Variants in SEL1L3 observed in about 807,000 individuals in gnomAD.
SEL1L3 encodes SEL1L family member 3.
A neutral mutation model predicts 142.8 loss-of-function variants in SEL1L3; 76 were observed. The observed-to-expected ratio is 0.53, with a 90% CI of 0.44 to 0.64. SEL1L3 has a LOEUF of 0.64. Ranked by LOEUF, SEL1L3 falls within the 30% of genes least tolerant of loss-of-function variation. SEL1L3 has a pLI of 0.00. For synonymous variants in SEL1L3, 504 were observed against 519.6 expected (o/e 0.97, Z 0.41); for missense variants, 1,262 against 1,381.7 (o/e 0.91, Z 1.37).
chr4:25,828,703 A>AT (rs146662212), intron 6 of SEL1L3, among the ~76,000 whole-genome samples: 2,034 of 151,642 alleles, frequency 0.013, 53 homozygotes, highest in African/African-American at 0.047. Context: ...GAGTTTATTT[A>AT]TTTTTTTTAA....
chr4:25,730,044 C>T, the SEL1L3 span, among the ~76,000 whole-genome samples: 3 of 151,688 alleles, frequency 2.0e-5, no homozygotes, highest in Non-Finnish European at 4.4e-5. Flanking sequence ...CTGCAACCTC[C>T]ACCTGCCAGG....
chr4:25,726,845 C>T, the SEL1L3 span, among the ~76,000 whole-genome samples: 1 of 152,138 alleles, frequency 6.6e-6, no homozygotes, highest in African/African-American at 2.4e-5. Flanking sequence ...ATACCACAGA[C>T]TGGGTGGCTT....
Position 25,756,943 on chromosome 4 carries a change from TA to T in SEL1L3, c.3259+590del, listed in dbSNP as rs1560276596. 2.4e-6 allele frequency: 3 copies of T among 1,271,522 alleles called. No homozygotes were observed. In the South Asian group the frequency reaches 3.8e-5, roughly 16 times the overall value. The allele number at this position is 1,271,522 out of a possible 1,614,324, so 78.8% of individuals were successfully genotyped here. ...AAATTTTCAATGGAAGAAATTGTAT[TA>T]GGTCAGTTTCTTAGGCTTTTTAAAG... On this transcript the variant is annotated intron_variant, in intron 23 of 23. Transcript: ENST00000399878.
At chr4:25,795,989 A>AC (rs1560307982) in intron 11 of SEL1L3, among the ~76,000 whole-genome samples, 1 of 151,840 alleles carries the variant, frequency 6.6e-6, no homozygotes, top group African/African-American at 2.4e-5. Context: ...ACTGGCAGGA[A>AC]CCAAGCGTCC....
chr4:25,743,654 G>C (rs1717180060), downstream of SEL1L3, among the ~76,000 whole-genome samples: 1 of 152,204 alleles, frequency 6.6e-6, no homozygotes, highest in African/African-American at 2.4e-5. Context: ...CTGTTGCATT[G>C]TTTTGAGTTT....
chr4:25,752,985 GTAC>G (rs1166514145), intron 23 of SEL1L3, among the ~76,000 whole-genome samples: 1 of 152,222 alleles, frequency 6.6e-6, no homozygotes, highest in Non-Finnish European at 1.5e-5. Context: ...GGCAGTGGAT[GTAC>G]TACTATTTCT....
chr4:25,757,753 A>G lies in SEL1L3; in HGVS notation c.3121T>C (p.Cys1041Arg). ...TGCAGGTAAAGCCAGGCCAAGGAGC[A>G]GGGGCTGAAGGACTCCTCGTTACTG... is the stretch of plus-strand genomic sequence containing the variant. ...SHSNEESFSP[C>R]SLAWLYLHLR... Residue 1041 changes from cysteine to arginine, a missense_variant, in exon 22 of 24, where the codon TGC becomes CGC. Physicochemically the swap from Cys to Arg is radical, Grantham distance 180 (BLOSUM62 -3). Transcript: ENST00000399878. The G allele has an allele frequency of 6.3e-7, 1 of 1,594,378 alleles. No homozygotes were observed. The highest frequency in any genetic ancestry group is 8.5e-7 in the Non-Finnish European group (1 of 1,170,810).
In SEL1L3 at chr4:25,747,814, G is replaced by A. The variant is rs548021609; in HGVS notation, c.*611C>T. The A allele has an allele frequency of 5.9e-5, 9 of 152,658 alleles. No homozygotes were observed. In the East Asian group the frequency reaches 1.5e-3, roughly 26 times the overall value. 9.5% of individuals were successfully genotyped at this position (152,658 alleles called of 1,614,324 possible). A position where few individuals can be genotyped will look rare whatever the true frequency, so the allele number is the denominator to read the frequency against. On this transcript the variant is annotated 3_prime_UTR_variant, in exon 24 of 24. Transcript: ENST00000399878. ...TCCGACAATGCCATTAAATGATTCG[G>A]AAGCACTAGGACCCTAGAAAAATTC...
In SEL1L3 at chr4:25,750,206, G is replaced by C. The variant is rs1441005669; in HGVS notation, c.3260-1642C>G. On this transcript the variant is annotated intron_variant, in intron 23 of 23. Coordinates refer to ENST00000399878, the MANE Select transcript of SEL1L3 (RefSeq NM_015187.5). ...GCTGAGATCTTGTCACTGCACACCA[G>C]CCTGGGCGACAGAGCGAGACTCCAT... is the stretch of plus-strand genomic sequence containing the variant. Among the ~76,000 whole-genome samples the C allele has an allele frequency of 2.9e-5, 4 of 136,700 alleles. No individual in the cohort carries two copies. In the Admixed American group the frequency reaches 3.2e-4, roughly 11 times the overall value. The allele number at this position is 136,700 out of a possible 152,430, so 89.7% of individuals were successfully genotyped here. A position where few individuals can be genotyped will look rare whatever the true frequency, so the allele number is the denominator to read the frequency against.
rs1717349584 is a variant in SEL1L3, at chr4:25,747,997, G to A, written c.*428C>T. The A allele has an allele frequency of 6.4e-6, 1 of 156,746 alleles. No individual in the cohort carries two copies. Among genetic ancestry groups the A allele is most frequent in the Non-Finnish European group, 1.4e-5 (1 of 70,658 alleles). 9.7% of individuals were successfully genotyped at this position (156,746 alleles called of 1,614,324 possible). A position where few individuals can be genotyped will look rare whatever the true frequency, so the allele number is the denominator to read the frequency against. On this transcript the variant is annotated 3_prime_UTR_variant, in exon 24 of 24. Coordinates refer to ENST00000399878, the MANE Select transcript of SEL1L3 (RefSeq NM_015187.5). ...AGGAACAGGGCTGTGGCAAGCACAG[G>A]TACCAAAATATTATCCACCTTGTAG... is the stretch of plus-strand genomic sequence containing the variant.
intron 10 of SEL1L3, among the ~76,000 whole-genome samples, chr4:25,803,433 A>G (rs1288074459): frequency 6.6e-6 from 1 of 152,238 alleles, no homozygotes; most frequent in African/African-American, 2.4e-5. Context: ...AGCCTCCCCA[A>G]ACCACGCATA....
At chr4:25,714,872 A>G in the SEL1L3 span, among the ~76,000 whole-genome samples, 1 of 152,116 alleles carries the variant, frequency 6.6e-6, no homozygotes, top group African/African-American at 2.4e-5. Flanking sequence ...GCGCCCTGCC[A>G]AGAATGCAAA....
At chr4:25,755,741 C>T (rs948897096) in intron 23 of SEL1L3, among the ~76,000 whole-genome samples, 5 of 152,050 alleles carry the variant, frequency 3.3e-5, no homozygotes, top group East Asian at 1.9e-4. Context: ...CAATTCCACC[C>T]GCCCATGAAT....
intron 1 of SEL1L3, among the ~76,000 whole-genome samples, chr4:25,861,409 G>A (rs1717698115): frequency 6.6e-6 from 1 of 152,270 alleles, no homozygotes; most frequent in South Asian, 2.1e-4. Context: ...TAGATGCACA[G>A]GCAGAATTAT....
chr4:25,794,482 C>T (rs1712574030), intron 11 of SEL1L3, among the ~76,000 whole-genome samples: 2 of 152,158 alleles, frequency 1.3e-5, no homozygotes, highest in South Asian at 4.1e-4. Flanking sequence ...AATGAGATAC[C>T]ATCTCATGCC....
intron 11 of SEL1L3, among the ~76,000 whole-genome samples, chr4:25,793,149 G>A (rs1384754117): frequency 6.6e-6 from 1 of 152,222 alleles, no homozygotes; most frequent in Admixed American, 6.5e-5. Flanking sequence ...CCCAACATCA[G>A]ATAGTTCTTC....
At chr4:25,823,790 C>T (rs11732004) in intron 6 of SEL1L3, among the ~76,000 whole-genome samples, 292 of 152,092 alleles carry the variant, frequency 1.9e-3, no homozygotes, top group Admixed American at 8.0e-3. Context: ...AGCAAAGGGC[C>T]GGAGTGACGA....
At chr4:25,797,652 C>T (rs916058938) in intron 11 of SEL1L3, among the ~76,000 whole-genome samples, 5 of 152,128 alleles carry the variant, frequency 3.3e-5, no homozygotes, top group African/African-American at 7.2e-5. Context: ...CGGGTCCCCT[C>T]GAAAAGCACC....
At chr4:25,742,575 C>T (rs529541903), downstream of SEL1L3, among the ~76,000 whole-genome samples, 15 of 152,232 alleles carry the variant, frequency 9.9e-5, no homozygotes, top group African/African-American at 3.4e-4. Flanking sequence ...GGATGATAGG[C>T]GTGAGCCACC....
Sources: allele counts gnomAD v4.1 joint callset (sites outside exome capture counted in the v4.1 genomes callset), GRCh38; gene constraint gnomAD v4.1.1; transcripts MANE v1.5; gene names NCBI Gene and HGNC (gene_info 2026-07-23, HGNC 2026-07-21).